NELL1: variants seen among roughly 807,000 people sequenced by gnomAD.
The protein encoded by NELL1 is neural EGFL like 1.
In NELL1, 76 loss-of-function variants were observed where a neutral mutation model predicts 107.4. The observed-to-expected ratio is 0.71, with a 90% confidence interval of 0.59 to 0.86. The LOEUF (loss-of-function observed/expected upper bound fraction) is 0.86, where lower values mean the gene tolerates loss of function less well. NELL1 is among the 40% of genes least tolerant of loss of function. The pLI, the probability that NELL1 is intolerant of heterozygous loss-of-function variation, is 0.00. For missense variants in NELL1, 1,024 were observed against 1,005.5 expected, an observed-to-expected ratio of 1.02 and a Z score of -0.25; for synonymous variants, 353 against 341.2, an observed-to-expected ratio of 1.03 and a Z score of -0.38.
At position 21,290,848 on chromosome 11, in the gene NELL1, A is replaced by G. The variant is rs191210968; in HGVS notation, c.1549+61394A>G. On this transcript the variant is annotated intron_variant, in intron 14 of 19. Coordinates refer to ENST00000357134, the MANE Select transcript of NELL1 (RefSeq NM_006157.5). Reference sequence around the variant, plus strand: ...AACCCCATCCGAAGATCACCAACATAAAAAACCAAAGGTAGATAAATCCAT... The same window carrying G: ...AACCCCATCCGAAGATCACCAACATGAAAAACCAAAGGTAGATAAATCCAT... Among the ~76,000 whole-genome samples the G allele has an allele frequency of 2.3e-3, 355 of 152,324 alleles. 4 individuals are homozygous for G. The highest frequency in any genetic ancestry group is 3.8e-3 in the Non-Finnish European group (257 of 68,016).
rs1411169081 is a variant in NELL1 at position 20,857,342 on chromosome 11, T to G, written c.506+9589T>G. Among the ~76,000 whole-genome samples the G allele has an allele frequency of 2.0e-5, 3 of 152,088 alleles. No individual in the cohort carries two copies. In the South Asian group the frequency reaches 6.2e-4, roughly 32 times the overall value. On this transcript the variant is annotated intron_variant, in intron 4 of 19. Coordinates refer to ENST00000357134, the MANE Select transcript of NELL1 (RefSeq NM_006157.5). ...TGTTCTTTCAGCCATTCACCACCCA[T>G]CCACTCACTCCCCTCGAACCTCAGC...
chr11:21,303,114 C>CTATATCTA lies in NELL1; in HGVS notation c.1550-67736_1550-67735insATCTATAT, dbSNP rs556375310. On this transcript the variant is annotated intron_variant, in intron 14 of 19. Coordinates refer to ENST00000357134, the MANE Select transcript of NELL1 (RefSeq NM_006157.5). Reference sequence around the variant, plus strand: ...TCTATATCTATATCTATATCTATATCTATCTTCTGTCTATCTATACACATA... The same window carrying CTATATCTA: ...TCTATATCTATATCTATATCTATATCTATATCTATATCTTCTGTCTATCTATACACATA... Among the ~76,000 whole-genome samples the CTATATCTA allele has an allele frequency of 2.3e-4, 33 of 140,976 alleles. No homozygotes were observed. The Middle Eastern group carries it at 0.011, about 46-fold the overall frequency. The allele number at this position is 140,976 out of a possible 152,430, so 92.5% of individuals were successfully genotyped here.
intron 13 of NELL1, among the ~76,000 whole-genome samples, chr11:21,139,823 A>G (rs897190531): frequency 1.3e-5 from 2 of 152,198 alleles, no homozygotes; most frequent in Admixed American, 1.3e-4. Flanking sequence ...CCATGTGCAC[A>G]TAAGTCTGGA....
At chr11:20,945,209 A>T (rs564092522) in intron 10 of NELL1, among the ~76,000 whole-genome samples, 1 of 152,326 alleles carries the variant, frequency 6.6e-6, no homozygotes, top group South Asian at 2.1e-4. Flanking sequence ...GGTGTGGGGG[A>T]TGCCAGATGG....
At chr11:21,483,270 C>T (rs1256778139) in intron 15 of NELL1, among the ~76,000 whole-genome samples, 2 of 152,152 alleles carry the variant, frequency 1.3e-5, no homozygotes, top group South Asian at 2.1e-4. Context: ...TACCTAGAGA[C>T]CGAATCACTT....
intron 12 of NELL1, among the ~76,000 whole-genome samples, chr11:20,976,402 A>G (rs960757287): frequency 6.6e-6 from 1 of 152,020 alleles, no homozygotes; most frequent in Non-Finnish European, 1.5e-5. Flanking sequence ...TCCCAACCCA[A>G]CTTTGGGCTT....
At chr11:20,881,447 C>T (rs577592521) in intron 4 of NELL1, among the ~76,000 whole-genome samples, 39 of 152,244 alleles carry the variant, frequency 2.6e-4, no homozygotes, top group Non-Finnish European at 3.1e-4. Context: ...TTTCAAATCC[C>T]AGCGGTGTCA....
intron 2 of NELL1, among the ~76,000 whole-genome samples, chr11:20,704,854 C>T (rs1281644906): frequency 6.6e-6 from 1 of 152,164 alleles, no homozygotes; most frequent in African/African-American, 2.4e-5. Flanking sequence ...CACAGACATT[C>T]TTATACACCA....
At chr11:21,297,588 A>C (rs544172108) in intron 14 of NELL1, among the ~76,000 whole-genome samples, 1 of 152,070 alleles carries the variant, frequency 6.6e-6, no homozygotes, top group Non-Finnish European at 1.5e-5. Flanking sequence ...TCATCCATTC[A>C]TTCTTTGACT....
chr11:20,677,901 T>G, intron 1 of NELL1, 31 bp from the exon 2 acceptor site: 1 of 1,612,122 alleles, frequency 6.2e-7, no homozygotes, highest in Non-Finnish European at 8.5e-7. Flanking sequence ...GTCTGCATTT[T>G]AAGCCCAAAC....
chr11:21,034,031 A>G (rs1853027455), intron 12 of NELL1, among the ~76,000 whole-genome samples: 1 of 152,004 alleles, frequency 6.6e-6, no homozygotes, highest in Non-Finnish European at 1.5e-5. Flanking sequence ...TCAGTTTGTC[A>G]ATTTTTGTTT....
chr11:20,849,263 T>C (rs1263550598), intron 4 of NELL1, among the ~76,000 whole-genome samples: 1 of 152,254 alleles, frequency 6.6e-6, no homozygotes, highest in Non-Finnish European at 1.5e-5. Context: ...GTCCTGGAGA[T>C]ACTGCTGTTT....
In NELL1 at chr11:20,705,158, A is replaced by G. The variant is rs572143865; in HGVS notation, c.184+27098A>G. 3.2e-3 allele frequency among the ~76,000 whole-genome samples: 489 copies of G among 152,290 alleles called. 2 individuals carry two copies. The highest frequency in any genetic ancestry group is 0.011 in the African/African-American group (457 of 41,556). On this transcript the variant is annotated intron_variant, in intron 2 of 19. Coordinates refer to ENST00000357134, the MANE Select transcript of NELL1 (RefSeq NM_006157.5). ...GGCTTTCTTCACAGAAATGGAAAAA[A>G]CTACTTTAAAGTTCATATGGAACCA...
At chr11:21,427,965 G>T (rs1264477747) in intron 15 of NELL1, among the ~76,000 whole-genome samples, 1 of 152,178 alleles carries the variant, frequency 6.6e-6, no homozygotes, top group African/African-American at 2.4e-5. Context: ...GGGATGGCAG[G>T]TTTCACTGAT....
At chr11:20,904,802 AT>A (rs1005226249) in intron 5 of NELL1, among the ~76,000 whole-genome samples, 7 of 150,720 alleles carry the variant, frequency 4.6e-5, no homozygotes, top group East Asian at 2.0e-4. Flanking sequence ...CCCTGTCAAA[AT>A]TTTTTTTTAA....
At chr11:21,279,259 A>C (rs533644456) in intron 14 of NELL1, among the ~76,000 whole-genome samples, 6 of 152,336 alleles carry the variant, frequency 3.9e-5, no homozygotes, top group Admixed American at 3.9e-4. Flanking sequence ...TCATGAAAGA[A>C]TAATAATATG....
chr11:21,103,780 C>T (rs553243819), intron 12 of NELL1, among the ~76,000 whole-genome samples: 2 of 152,296 alleles, frequency 1.3e-5, no homozygotes, highest in South Asian at 2.1e-4. Flanking sequence ...ATGAAGGCAT[C>T]TTTCTTGCAT....
chr11:20,731,380 A>G (rs551101856), intron 2 of NELL1, among the ~76,000 whole-genome samples: 11 of 152,214 alleles, frequency 7.2e-5, no homozygotes, highest in Non-Finnish European at 1.2e-4. Context: ...TGAATGAAAG[A>G]AGGGGAGAGA....
intron 2 of NELL1, among the ~76,000 whole-genome samples, chr11:20,691,752 G>C: frequency 6.6e-6 from 1 of 151,346 alleles, no homozygotes; most frequent in Admixed American, 6.6e-5. Context: ...TCTCTTTTTT[G>C]GTTGTGTCTC....
Sources: gnomAD v4.1 joint callset for allele counts (sites outside exome capture counted in the v4.1 genomes callset) on GRCh38, gnomAD v4.1.1 for gene constraint, MANE v1.5 for transcripts, NCBI Gene and HGNC (gene_info 2026-07-23, HGNC 2026-07-21) for gene names.